Variants in MZF1 observed in about 807,000 individuals in gnomAD.
The protein encoded by MZF1 is zinc finger and SCAN domain-containing protein 6.
MZF1 carries 24 observed loss-of-function variants against 28.6 expected under a neutral mutation model. The ratio of observed to expected loss-of-function variants is 0.84; its 90% CI spans 0.61 to 1.18. The LOEUF (loss-of-function observed/expected upper bound fraction) is 1.18. Ranked by LOEUF, MZF1 falls within the 50% of genes most tolerant of loss-of-function variation. The probability of loss-of-function intolerance (pLI) is 0.00; values close to 1 mark genes in which losing one functional copy is unlikely to be tolerated. For synonymous variants in MZF1, 516 were observed against 432.5 expected (o/e 1.19, Z -2.40); for missense variants, 1,166 against 1,026.4 (o/e 1.14, Z -1.86).
In MZF1 at chr19:58,562,101, G is replaced by T; in HGVS notation, c.2176C>A (p.Gln726Lys). 1 of 1,580,060 alleles carries T rather than the reference G, an allele frequency of 6.3e-7. No individual in the cohort carries two copies. Among genetic ancestry groups the T allele is most frequent in the African/African-American group, 1.3e-5 (1 of 74,402 alleles). The change falls in exon 6 of 6, where the codon CAG (glutamine) becomes AAG (lysine). Residue 726 changes from glutamine (Q) to lysine (K), a missense_variant. Coordinates refer to ENST00000215057, the MANE Select transcript of MZF1 (RefSeq NM_198055.2). ...RRFHQSTKLI[Q>K]HQRVHSAE is the part of the protein sequence containing the mutation. ...TCGGCGCTGTGGACGCGCTGGTGCT[G>T]AATGAGCTTGGTGCTCTGGTGGAAG... is the stretch of plus-strand genomic sequence containing the variant.
rs998656210 is a variant in MZF1 at position 58,569,311 on chromosome 19, C to T, written c.738G>A (p.Leu246=). ...GPSWREHPRA[L]WHEEAGGIFS... is the part of the protein sequence containing the mutation. ...AGATGCCCCCAGCTTCCTCATGCCA[C>T]AGGGCCCTGGGGTGCTCCCTCCATG... Residue 246 remains leucine, a synonymous_variant, in exon 5 of 6, where the codon CTG becomes CTA. Transcript: ENST00000215057. 1.2e-6 allele frequency: 2 copies of T among 1,611,192 alleles called. No homozygotes were observed. The highest frequency in any genetic ancestry group is 1.7e-6 in the Non-Finnish European group (2 of 1,178,798).
Position 58,564,902 on chromosome 19 carries a change from G to GGTTTTT in MZF1, c.773-1399_773-1398insAAAAAC, listed in dbSNP as rs1872485914. Among the ~76,000 whole-genome samples the GGTTTTT allele has an allele frequency of 7.1e-4, 30 of 41,996 alleles. 2 individuals carry two copies. The highest frequency in any genetic ancestry group is 3.7e-3 in the South Asian group (3 of 806). 27.6% of individuals were successfully genotyped at this position (41,996 alleles called of 152,430 possible). ...GTGGAGAATAAGCATCCATGTGTGT[G>GGTTTTT]TTTTTTTTTTTTTTTTTTTTTTTTT... On this transcript the variant is annotated intron_variant, in intron 5 of 5. Transcript: ENST00000215057.
At chr19:58,563,555 G>T in intron 5 of MZF1, 51 bp from the exon 6 acceptor site, 1 of 1,427,182 alleles carries the variant, frequency 7.0e-7, no homozygotes, top group South Asian at 1.4e-5. Flanking sequence ...CACCGTGCCG[G>T]GACCCACTTC....
In MZF1 at chr19:58,563,124, C is replaced by G; in HGVS notation, c.1153G>C (p.Val385Leu). The change falls in exon 6 of 6, where the codon GTG (valine) becomes CTG (leucine). Residue 385 changes from valine (V) to leucine (L), a missense_variant. Val to Leu is a conservative substitution (Grantham distance 32, BLOSUM62 1). Coordinates refer to ENST00000215057, the MANE Select transcript of MZF1 (RefSeq NM_198055.2). ...AAGCTGCGGCCGCACTCGCTGCACA[C>G]GAATGGTCGCTCACCCGTGTGGATC... Reference protein sequence around the residue: ...QKIHTGERPFVCSECGRSFSR... With the variant: ...QKIHTGERPFLCSECGRSFSR... 6.2e-7 allele frequency: 1 copy of G among 1,607,760 alleles called. No individual in the cohort carries two copies. The highest frequency in any genetic ancestry group is 8.5e-7 in the Non-Finnish European group (1 of 1,179,620).
rs982019095 is a variant in MZF1, at chr19:58,571,223, G to A, written c.167C>T (p.Thr56Ile). 6.2e-7 allele frequency: 1 copy of A among 1,612,622 alleles called. No individual in the cohort carries two copies. Among genetic ancestry groups the A allele is most frequent in the African/African-American group, 1.3e-5 (1 of 74,920 alleles). Reference protein sequence around the residue: ...RFRCFRYEEATGPQEALAQLR... With the variant: ...RFRCFRYEEAIGPQEALAQLR... ...CTGGGCCAGGGCCTCTTGGGGCCCT[G>A]TGGCCTCCTCATAGCGGAAGCACCG... Residue 56 changes from threonine (T) to isoleucine (I), a missense_variant, in exon 2 of 6, where the codon ACA becomes ATA. By Grantham distance (89) the Thr-to-Ile change is moderately conservative (BLOSUM62 -1). Transcript: ENST00000215057.
chr19:58,569,993 T>C (rs2054128120), intron 3 of MZF1: 2 of 302,550 alleles, frequency 6.6e-6, no homozygotes, highest in Non-Finnish European at 6.2e-6. Context: ...CTCCTAATTA[T>C]ACCTCTGCCT....
At chr19:58,573,346 G>C (rs2054202272), upstream of MZF1, 1 of 152,476 alleles carries the variant, frequency 6.6e-6, no homozygotes, top group Non-Finnish European at 1.5e-5. Flanking sequence ...ACCAGATCGC[G>C]CATGCCCCCC....
rs1600099960 is a variant in MZF1, at chr19:58,564,898, G to GTTTTTTTTTTTTTTTTTTTTTT, written c.773-1395_773-1394insAAAAAAAAAAAAAAAAAAAAAA. ...CAGGGTGGAGAATAAGCATCCATGT[G>GTTTTTTTTTTTTTTTTTTTTTT]TGTGTTTTTTTTTTTTTTTTTTTTT... On this transcript the variant is annotated intron_variant, in intron 5 of 5. Coordinates refer to ENST00000215057, the MANE Select transcript of MZF1 (RefSeq NM_198055.2). Among the ~76,000 whole-genome samples the GTTTTTTTTTTTTTTTTTTTTTT allele has an allele frequency of 9.8e-5, 9 of 91,948 alleles. 2 individuals carry two copies. The highest frequency in any genetic ancestry group is 4.7e-4 in the African/African-American group (9 of 18,948). 60.3% of individuals were successfully genotyped at this position (91,948 alleles called of 152,430 possible). A position where few individuals can be genotyped will look rare whatever the true frequency, so the allele number is the denominator to read the frequency against.
intron 5 of MZF1, chr19:58,568,583 C>T (rs1321384932): frequency 3.3e-5 from 5 of 152,196 alleles, no homozygotes; most frequent in African/African-American, 1.2e-4. Flanking sequence ...TCCAGCCAAA[C>T]TTCAATCTAA....
At position 58,563,149 on chromosome 19, in the gene MZF1, C is replaced by T. The variant is rs1163205106; in HGVS notation, c.1128G>A (p.Lys376=). ...SQRSNLLRHQ[K]IHTGERPFVC... ...CGAATGGTCGCTCACCCGTGTGGATCTTCTGGTGCCTCAGCAGGTTGCTGC... is the reference window on the plus strand; with the variant it reads ...CGAATGGTCGCTCACCCGTGTGGATTTTCTGGTGCCTCAGCAGGTTGCTGC... Residue 376 remains lysine, a synonymous_variant, in exon 6 of 6, where the codon AAG becomes AAA. Transcript: ENST00000215057. 2.2e-5 allele frequency: 36 copies of T among 1,609,420 alleles called. No homozygotes were observed. The highest frequency in any genetic ancestry group is 3.0e-5 in the Non-Finnish European group (35 of 1,179,758).
intron 5 of MZF1, among the ~76,000 whole-genome samples, chr19:58,567,417 A>C (rs1350398376): frequency 2.6e-5 from 4 of 152,234 alleles, no homozygotes; most frequent in African/African-American, 9.6e-5. Flanking sequence ...TCCTGGCAGA[A>C]GGCTATGTTA....
Position 58,562,616 on chromosome 19 carries a change from G to T in MZF1, c.1661C>A (p.Ser554Tyr). The change falls in exon 6 of 6, where the codon TCC (serine) becomes TAC (tyrosine). Residue 554 changes from serine to tyrosine, a missense_variant. Coordinates refer to ENST00000215057, the MANE Select transcript of MZF1 (RefSeq NM_198055.2). Reference protein sequence around the residue: ...AECGQSFRQRSNLTQHRRIHT... With the variant: ...AECGQSFRQRYNLTQHRRIHT... Reference sequence around the variant, plus strand: ...GATGCGCCGGTGCTGCGTCAGGTTGGAGCGCTGCCGGAAGCTCTGGCCGCA... The same window carrying T: ...GATGCGCCGGTGCTGCGTCAGGTTGTAGCGCTGCCGGAAGCTCTGGCCGCA... 6.4e-7 allele frequency: 1 copy of T among 1,572,924 alleles called. No individual in the cohort carries two copies.
chr19:58,570,180 G>A (rs192648770), intron 3 of MZF1, 164 bp downstream of exon 3: 77 of 686,414 alleles, frequency 1.1e-4, no homozygotes, highest in Admixed American at 1.8e-4. Flanking sequence ...CACTGGCTGC[G>A]GTGGAGGGGA....
chr19:58,571,080 C>G lies in MZF1; in HGVS notation c.310G>C (p.Val104Leu). The G allele has an allele frequency of 6.2e-7, 1 of 1,613,738 alleles. No individual in the cohort carries two copies. The highest frequency in any genetic ancestry group is 8.5e-7 in the Non-Finnish European group (1 of 1,179,964). ...GALPPEIQAR[V>L]QGQRPGSPEE... ...GGGCTGCCTGGCCGCTGCCCCTGCACACGGGCCTGGATCTCAGGGGGCAGT... is the reference window on the plus strand; with the variant it reads ...GGGCTGCCTGGCCGCTGCCCCTGCAGACGGGCCTGGATCTCAGGGGGCAGT... Residue 104 changes from valine to leucine, a missense_variant, in exon 2 of 6, where the codon GTG becomes CTG. Transcript: ENST00000215057.
In MZF1 at chr19:58,562,052, A is replaced by G. The variant is rs1376888075; in HGVS notation, c.*20T>C. 8 of 1,545,370 alleles carry G rather than the reference A, an allele frequency of 5.2e-6. No individual in the cohort carries two copies. Among genetic ancestry groups the G allele is most frequent in the East Asian group, 4.9e-5 (2 of 41,062 alleles). On this transcript the variant is annotated 3_prime_UTR_variant, in exon 6 of 6. Coordinates refer to ENST00000215057, the MANE Select transcript of MZF1 (RefSeq NM_198055.2). ...GGTAGGTGTTCTGACCATGGCGGACACAGTGCGTCCCGGCTGGAGCTACTC... is the reference window on the plus strand; with the variant it reads ...GGTAGGTGTTCTGACCATGGCGGACGCAGTGCGTCCCGGCTGGAGCTACTC...
At chr19:58,569,208 G>C in intron 5 of MZF1, 69 bp downstream of exon 5, 1 of 1,502,348 alleles carries the variant, frequency 6.7e-7, no homozygotes, top group Non-Finnish European at 8.9e-7. Flanking sequence ...GTAGGGCCAG[G>C]AGTGGGGTCG....
Position 58,571,363 on chromosome 19 carries a change from T to C in MZF1, c.27A>G (p.Pro9=). MRPAVLGS[P]DRAPPEDEGP... ...CCTCATCTTCTGGGGGTGCTCGGTC[T>C]GGGGAGCCCAGCACCGCAGGCCTCA... is the stretch of plus-strand genomic sequence containing the variant. Residue 9 remains proline, a synonymous_variant, in exon 2 of 6, where the codon CCA becomes CCG. Transcript: ENST00000215057. 6.2e-7 allele frequency: 1 copy of C among 1,614,150 alleles called. No individual in the cohort carries two copies. The highest frequency in any genetic ancestry group is 8.5e-7 in the Non-Finnish European group (1 of 1,180,024).
intron 5 of MZF1, among the ~76,000 whole-genome samples, chr19:58,565,080 C>G (rs1224541852): frequency 9.0e-5 from 13 of 144,812 alleles, no homozygotes; most frequent in Non-Finnish European, 1.6e-4. Context: ...ACCACCATGC[C>G]TGGCTAATTG....
At position 58,562,914 on chromosome 19, in the gene MZF1, G is replaced by T; in HGVS notation, c.1363C>A (p.Leu455Met). 2 of 1,591,772 alleles carry T rather than the reference G, an allele frequency of 1.3e-6. No individual in the cohort carries two copies. The highest frequency in any genetic ancestry group is 8.5e-7 in the Non-Finnish European group (1 of 1,174,496). Residue 455 changes from leucine (L) to methionine (M), a missense_variant, in exon 6 of 6, where the codon CTG (leucine) becomes ATG (methionine). Physicochemically the swap from Leu to Met is conservative, Grantham distance 15 (BLOSUM62 2). Coordinates refer to ENST00000215057, the MANE Select transcript of MZF1 (RefSeq NM_198055.2). ...CGQSFRQRSN[L>M]LQHQRIHGDP... The stretch of plus-strand genomic sequence containing the variant: ...CCGTGGATGCGCTGGTGCTGCAGCA[G>T]ATTGGAGCGCTGCCGGAAGCTCTGG...
Sources: gnomAD v4.1 joint callset for allele counts (sites outside exome capture counted in the v4.1 genomes callset) on GRCh38, gnomAD v4.1.1 for gene constraint, MANE v1.5 for transcripts, NCBI Gene and HGNC (gene_info 2026-07-23, HGNC 2026-07-21) for gene names.